The following SPATA31F1 variants were observed in gnomAD, a reference collection of about 807,000 sequenced individuals.
SPATA31F1 encodes the protein SPATA31 subfamily F member 1, also known as protein SPATA31F1.
At chr9:34,723,203 A>G in the SPATA31F1 span, 3 of 1,542,998 alleles carry the variant, frequency 1.9e-6, no homozygotes, top group African/African-American at 1.4e-5. Context: ...GAGCGGACCA[A>G]TGTTTCTATC....
the SPATA31F1 span, chr9:34,727,020 G>A: frequency 2.0e-6 from 3 of 1,533,724 alleles, no homozygotes; most frequent in East Asian, 4.9e-5. Flanking sequence ...AATTAACGAT[G>A]GAGTGACATC....
the SPATA31F1 span, chr9:34,726,814 C>G: frequency 2.6e-6 from 4 of 1,551,812 alleles, no homozygotes; most frequent in Non-Finnish European, 3.5e-6. Context: ...TAGACGTAGA[C>G]AGCATCTCTA....
the SPATA31F1 span, chr9:34,729,341 C>A: frequency 3.3e-3 from 5,120 of 1,551,802 alleles, 23 homozygotes; most frequent in Non-Finnish European, 3.2e-3. Flanking sequence ...TTTTCACTTG[C>A]CAGATAATTA....
chr9:34,727,710 C>T, the SPATA31F1 span, among the ~76,000 whole-genome samples: 4 of 152,220 alleles, frequency 2.6e-5, no homozygotes, highest in African/African-American at 7.2e-5. Flanking sequence ...AAAACCCATT[C>T]TCTTAACTGG....
chr9:34,723,963 G>T, the SPATA31F1 span: 200 of 1,551,022 alleles, frequency 1.3e-4, 1 homozygote, highest in Admixed American at 7.1e-4. Flanking sequence ...GACCCTCGGG[G>T]TGTCTTGTTT....
the SPATA31F1 span, chr9:34,725,116 C>T: frequency 1.3e-6 from 2 of 1,550,764 alleles, no homozygotes; most frequent in Non-Finnish European, 1.7e-6. Context: ...GAGCCACTGC[C>T]AGGACCCCAG....
At chr9:34,727,145 C>A in the SPATA31F1 span, among the ~76,000 whole-genome samples, 1 of 152,188 alleles carries the variant, frequency 6.6e-6, no homozygotes. Context: ...TAAGAAAATG[C>A]CATTTGGCAA....
the SPATA31F1 span, chr9:34,724,462 T>C: frequency 1.9e-6 from 3 of 1,551,604 alleles, no homozygotes; most frequent in Non-Finnish European, 2.6e-6. Context: ...GAGACTTCTG[T>C]GTGGATATGT....
At chr9:34,727,670 G>C in the SPATA31F1 span, among the ~76,000 whole-genome samples, 1 of 152,196 alleles carries the variant, frequency 6.6e-6, no homozygotes, top group Non-Finnish European at 1.5e-5. Context: ...AGAGTATAAA[G>C]AGAATAAGAC....
the SPATA31F1 span, chr9:34,724,144 A>G: frequency 6.5e-7 from 1 of 1,548,626 alleles, no homozygotes; most frequent in South Asian, 1.2e-5. Context: ...TGCTCTTGCT[A>G]GGGCTTTGAG....
the SPATA31F1 span, among the ~76,000 whole-genome samples, chr9:34,727,870 C>T: frequency 6.6e-6 from 1 of 152,326 alleles, no homozygotes. Context: ...CCCCACTCTT[C>T]CCTGGCAACC....
At chr9:34,728,154 A>G in the SPATA31F1 span, 2 of 1,386,450 alleles carry the variant, frequency 1.4e-6, no homozygotes, top group African/African-American at 2.9e-5. Context: ...GCTGAATAGT[A>G]AGGCCTTTGA....
the SPATA31F1 span, chr9:34,726,337 T>G: frequency 6.5e-7 from 1 of 1,545,046 alleles, no homozygotes; most frequent in East Asian, 2.4e-5. Context: ...AATGCATCCA[T>G]TTTTTAACAT....
the SPATA31F1 span, chr9:34,724,106 G>A: frequency 1.3e-6 from 2 of 1,528,148 alleles, no homozygotes; most frequent in African/African-American, 1.4e-5. Context: ...TCTGTTTCCT[G>A]CTAGCATGGG....
At chr9:34,723,822 C>A in the SPATA31F1 span, 2 of 1,551,582 alleles carry the variant, frequency 1.3e-6, no homozygotes, top group South Asian at 2.4e-5. Context: ...GTTTGACTGT[C>A]TTGCAGGTCC....
At chr9:34,724,271 T>A in the SPATA31F1 span, 1 of 1,551,498 alleles carries the variant, frequency 6.4e-7, no homozygotes, top group South Asian at 1.2e-5. Flanking sequence ...GGAGACCGAG[T>A]GGGCAGAACC....
At chr9:34,724,526 C>G in the SPATA31F1 span, 2 of 1,550,376 alleles carry the variant, frequency 1.3e-6, no homozygotes, top group Non-Finnish European at 1.7e-6. Flanking sequence ...AATGGGAATT[C>G]CCCATTGTAT....
the SPATA31F1 span, chr9:34,723,928 A>G: frequency 6.4e-7 from 1 of 1,551,532 alleles, no homozygotes; most frequent in South Asian, 1.2e-5. Context: ...GATCAGCAAG[A>G]TGAAAGCTAC....
At chr9:34,723,550 C>T in the SPATA31F1 span, 1 of 1,551,798 alleles carries the variant, frequency 6.4e-7, no homozygotes, top group Non-Finnish European at 8.7e-7. Context: ...AGTCCTCATG[C>T]CCTTTGCCTT....
Sources: allele counts gnomAD v4.1 joint callset (sites outside exome capture counted in the v4.1 genomes callset), GRCh38; gene constraint gnomAD v4.1.1; transcripts MANE v1.5; gene names NCBI Gene and HGNC (gene_info 2026-07-23, HGNC 2026-07-21).